Variants in CTNNA3 observed in about 807,000 individuals in gnomAD.
CTNNA3 encodes the protein catenin alpha-3.
In CTNNA3, 76 loss-of-function variants were observed where a neutral mutation model predicts 95.7. The observed-to-expected ratio is 0.79, with a 90% CI of 0.66 to 0.96. The LOEUF is 0.96. Ranked by LOEUF, CTNNA3 falls within the 40% of genes least tolerant of loss-of-function variation. The probability of loss-of-function intolerance (pLI) is 0.00; values close to 1 mark genes in which losing one functional copy is unlikely to be tolerated. For synonymous variants in CTNNA3, 431 were observed against 374.4 expected (o/e 1.15, Z -1.74); for missense variants, 1,191 against 1,089.8 (o/e 1.09, Z -1.31).
chr10:66,520,614 T>C lies in CTNNA3; in HGVS notation c.1531+3A>G. Reference sequence around the variant, plus strand: ...TAAACAAATTAAAAGAATAAAAACATACCAGATACAGCAAGGAAGTCATCA... The same window carrying C: ...TAAACAAATTAAAAGAATAAAAACACACCAGATACAGCAAGGAAGTCATCA... On this transcript the variant is annotated splice_donor_region_variant and intron_variant, in intron 11 of 17. Coordinates refer to ENST00000433211, the MANE Select transcript of CTNNA3 (RefSeq NM_013266.4). 2 of 1,595,860 alleles carry C rather than the reference T, an allele frequency of 1.3e-6. No homozygotes were observed. The highest frequency in any genetic ancestry group is 1.1e-5 in the South Asian group (1 of 88,518).
chr10:66,139,429 T>G (rs1307819656), intron 13 of CTNNA3, among the ~76,000 whole-genome samples: 1 of 152,150 alleles, frequency 6.6e-6, no homozygotes, highest in Non-Finnish European at 1.5e-5. Context: ...CCTTGGATTT[T>G]TCCCTGTCAA....
At chr10:67,209,414 C>G (rs944776166) in intron 6 of CTNNA3, among the ~76,000 whole-genome samples, 1 of 152,096 alleles carries the variant, frequency 6.6e-6, no homozygotes, top group African/African-American at 2.4e-5. Context: ...TGGTATTTTG[C>G]TGTAATGTGA....
Position 67,206,635 on chromosome 10 carries a change from T to C in CTNNA3, c.843+12972A>G, listed in dbSNP as rs551697354. On this transcript the variant is annotated intron_variant, in intron 6 of 17. Transcript: ENST00000433211. ...TTAGCAAAAACTCAACAAAAAGCAC[T>C]TCCACTTAGGGAAGAAAAGACCTTC... is the stretch of plus-strand genomic sequence containing the variant. Among the ~76,000 whole-genome samples, 62 of 150,914 alleles carry C rather than the reference T, an allele frequency of 4.1e-4. No homozygotes were observed. In the South Asian group the frequency reaches 0.013, roughly 32 times the overall value.
chr10:65,926,139 T>C (rs930495089), intron 17 of CTNNA3, among the ~76,000 whole-genome samples: 1 of 151,218 alleles, frequency 6.6e-6, no homozygotes, highest in Non-Finnish European at 1.5e-5. Context: ...GCATAACTGT[T>C]TTCTTTCAAT....
intron 13 of CTNNA3, among the ~76,000 whole-genome samples, chr10:66,157,620 C>T (rs1364492422): frequency 6.6e-6 from 1 of 151,964 alleles, no homozygotes; most frequent in Non-Finnish European, 1.5e-5. Context: ...AATTGTGTTG[C>T]TATAAACATG....
rs780811728 is a variant in CTNNA3 at position 66,014,376 on chromosome 10, T to TC, written c.2160-25580dup. Among the ~76,000 whole-genome samples the TC allele has an allele frequency of 7.6e-4, 116 of 152,278 alleles. 1 individual carries two copies. Among genetic ancestry groups the TC allele is most frequent in the African/African-American group, 2.5e-3 (103 of 41,552 alleles). On this transcript the variant is annotated intron_variant, in intron 15 of 17. Coordinates refer to ENST00000433211, the MANE Select transcript of CTNNA3 (RefSeq NM_013266.4). ...GCAGCTCAGTTACTGAGCTGGAATTTCCTTTTGAATGTACAAAGGCATTAC... is the reference window on the plus strand; with the variant it reads ...GCAGCTCAGTTACTGAGCTGGAATTTCCCTTTTGAATGTACAAAGGCATTAC...
At chr10:66,466,103 A>G (rs1447456663) in intron 11 of CTNNA3, among the ~76,000 whole-genome samples, 2 of 152,048 alleles carry the variant, frequency 1.3e-5, no homozygotes, top group East Asian at 3.9e-4. Context: ...GCCTCATCCA[A>G]TAAATTGAAG....
chr10:66,443,759 CA>C (rs2093394505), intron 11 of CTNNA3, among the ~76,000 whole-genome samples: 1 of 152,098 alleles, frequency 6.6e-6, no homozygotes, highest in African/African-American at 2.4e-5. Context: ...CTCTAAAAAG[CA>C]GAGCACCTCT....
intron 11 of CTNNA3, among the ~76,000 whole-genome samples, chr10:66,456,038 A>C (rs942422754): frequency 4.6e-5 from 7 of 152,210 alleles, no homozygotes; most frequent in African/African-American, 1.7e-4. Context: ...GCTGATTAAA[A>C]GATATCAAAG....
intron 7 of CTNNA3, among the ~76,000 whole-genome samples, chr10:66,892,974 C>G (rs1845331390): frequency 6.6e-6 from 1 of 152,084 alleles, no homozygotes; most frequent in Admixed American, 6.6e-5. Context: ...TGGCTCTCAA[C>G]TCTGCTCATG....
chr10:66,363,551 T>C lies in CTNNA3; in HGVS notation c.1732+15601A>G, dbSNP rs190015865. ...CTCCAGAGACTGTGAAAAATAAATC[T>C]CTATTGCTTAATCCACTACTCCATT... is the stretch of plus-strand genomic sequence containing the variant. On this transcript the variant is annotated intron_variant, in intron 12 of 17. Transcript: ENST00000433211. 1.8e-4 allele frequency among the ~76,000 whole-genome samples: 28 copies of C among 152,232 alleles called. No individual in the cohort carries two copies. The East Asian group carries it at 3.9e-3, about 21-fold the overall frequency.
At chr10:67,369,498 A>G (rs1843338400) in intron 5 of CTNNA3, among the ~76,000 whole-genome samples, 1 of 152,224 alleles carries the variant, frequency 6.6e-6, no homozygotes, top group Non-Finnish European at 1.5e-5. Flanking sequence ...AAAAATGTAT[A>G]AATCTGACAA....
chr10:66,962,710 C>T (rs973650171), intron 7 of CTNNA3, among the ~76,000 whole-genome samples: 1 of 152,066 alleles, frequency 6.6e-6, no homozygotes, highest in Non-Finnish European at 1.5e-5. Context: ...CGTGCCTGGC[C>T]CACCTCCTCT....
At position 67,462,474 on chromosome 10, in the gene CTNNA3, C is replaced by T. The variant is rs1280421721; in HGVS notation, c.579+59368G>A. Among the ~76,000 whole-genome samples, 5 of 152,242 alleles carry T rather than the reference C, an allele frequency of 3.3e-5. No individual in the cohort carries two copies. The East Asian group carries it at 9.7e-4, about 29-fold the overall frequency. ...GACAAGGAAAGGGCACCTTCTAGTG[C>T]CTGGGAAAATGACATCACAAATTTG... On this transcript the variant is annotated intron_variant, in intron 5 of 17. Coordinates refer to ENST00000433211, the MANE Select transcript of CTNNA3 (RefSeq NM_013266.4).
chr10:67,027,529 G>A (rs890240872), intron 7 of CTNNA3, among the ~76,000 whole-genome samples: 2 of 149,302 alleles, frequency 1.3e-5, no homozygotes, highest in African/African-American at 4.9e-5. Context: ...CTGCTTCCTG[G>A]GTTCAAGTGA....
intron 7 of CTNNA3, among the ~76,000 whole-genome samples, chr10:67,159,284 G>T (rs776635920): frequency 6.6e-6 from 1 of 152,118 alleles, no homozygotes; most frequent in Admixed American, 6.6e-5. Flanking sequence ...TTGCTCACTC[G>T]GGGAGCTCGG....
intron 5 of CTNNA3, among the ~76,000 whole-genome samples, chr10:67,351,107 G>T (rs78476681): frequency 0.11 from 11,479 of 103,870 alleles, 694 homozygotes; most frequent in South Asian, 0.36. Flanking sequence ...CTAAGTGAAA[G>T]AAGTCAGACT....
At chr10:67,712,666 C>A (rs1351764883) in intron 1 of CTNNA3, among the ~76,000 whole-genome samples, 1 of 152,172 alleles carries the variant, frequency 6.6e-6, no homozygotes, top group African/African-American at 2.4e-5. Context: ...TGGGACCTGA[C>A]AAAAACAAGC....
intron 11 of CTNNA3, among the ~76,000 whole-genome samples, chr10:66,476,284 T>C (rs1339194833): frequency 6.6e-6 from 1 of 152,002 alleles, no homozygotes; most frequent in East Asian, 1.9e-4. Context: ...ATTTAGGTGA[T>C]GGGTTGACAG....
Sources: allele counts gnomAD v4.1 joint callset (sites outside exome capture counted in the v4.1 genomes callset), GRCh38; gene constraint gnomAD v4.1.1; transcripts MANE v1.5; gene names NCBI Gene and HGNC (gene_info 2026-07-23, HGNC 2026-07-21).